Variants in PCDHA3 observed in about 807,000 individuals in gnomAD.
The protein encoded by PCDHA3 is protocadherin alpha 3.
In PCDHA3, 41 loss-of-function variants were observed where a neutral mutation model predicts 62.2. The ratio of observed to expected loss-of-function variants is 0.66; its 90% confidence interval spans 0.51 to 0.86. The LOEUF (loss-of-function observed/expected upper bound fraction) is 0.86, where lower values mean the gene tolerates loss of function less well. Among genes scored for constraint, PCDHA3 ranks in the 40% least tolerant of loss-of-function variants. PCDHA3 has a pLI of 0.00. For synonymous variants in PCDHA3, 640 were observed against 555.4 expected (o/e 1.15, Z -2.14); for missense variants, 1,304 against 1,241.2 (o/e 1.05, Z -0.76).
Position 141,009,714 on chromosome 5 carries a change from A to G in PCDHA3, c.2630A>G (p.Lys877Arg), listed in dbSNP as rs1175529844. 1 of 1,613,966 alleles carries G rather than the reference A, an allele frequency of 6.2e-7. No homozygotes were observed. Among genetic ancestry groups the G allele is most frequent in the Non-Finnish European group, 8.5e-7 (1 of 1,180,012 alleles). Reference protein sequence around the residue: ...WTFKYGPGNPKQSGPGELPDK... With the variant: ...WTFKYGPGNPRQSGPGELPDK... ...TTTAAATACGGACCAGGCAACCCCA[A>G]ACAATCCGGTCCCGGTGAGTTGCCC... The change falls in exon 4 of 4, where the codon AAA becomes AGA. Residue 877 changes from lysine to arginine, a missense_variant. By Grantham distance (26) the Lys-to-Arg change is conservative. Transcript: ENST00000522353.
At chr5:140,805,118 T>C in intron 1 of PCDHA3, 1 of 1,587,346 alleles carries the variant, frequency 6.3e-7, no homozygotes, top group Middle Eastern at 1.7e-4. Context: ...CTAACAAGAC[T>C]CTTGGCAAAG....
At chr5:140,825,754 A>T (rs782058302) in intron 1 of PCDHA3, 1 of 152,530 alleles carries the variant, frequency 6.6e-6, no homozygotes, top group East Asian at 1.9e-4. Context: ...GTAACTGTGA[A>T]TCTCCTCAGT....
intron 1 of PCDHA3, among the ~76,000 whole-genome samples, chr5:140,959,927 C>A (rs1554224406): frequency 6.6e-6 from 1 of 152,038 alleles, no homozygotes; most frequent in African/African-American, 2.4e-5. Flanking sequence ...TTGTAAAGCC[C>A]CATTACTTAG....
At chr5:140,997,099 A>G (rs1554255700) in intron 3 of PCDHA3, among the ~76,000 whole-genome samples, 6 of 152,108 alleles carry the variant, frequency 3.9e-5, no homozygotes. Context: ...CAGAGTTCTC[A>G]TGCACTCCTG....
At chr5:140,997,740 C>T (rs568361121) in intron 3 of PCDHA3, among the ~76,000 whole-genome samples, 3 of 151,924 alleles carry the variant, frequency 2.0e-5, no homozygotes, top group African/African-American at 7.2e-5. Flanking sequence ...ATAGATTTGC[C>T]ACAATCTTCT....
Position 140,938,896 on chromosome 5 carries a change from C to T in PCDHA3, c.2395-40053C>T, listed in dbSNP as rs188490743. 3.9e-5 allele frequency among the ~76,000 whole-genome samples: 6 copies of T among 152,036 alleles called. 1 individual carries two copies. The East Asian group carries it at 1.2e-3, about 29-fold the overall frequency. The stretch of plus-strand genomic sequence containing the variant: ...GAAGCAACACACACACACACAGATG[C>T]GCACACACACACACGCACAAGAAAT... On this transcript the variant is annotated intron_variant, in intron 1 of 3. Transcript: ENST00000522353.
chr5:140,969,276 G>T, intron 1 of PCDHA3: 1 of 1,614,202 alleles, frequency 6.2e-7, no homozygotes, highest in Non-Finnish European at 8.5e-7. Context: ...GGCCAAAGTG[G>T]TCAGAATGCT....
Position 141,010,090 on chromosome 5 carries a change from C to A in PCDHA3, c.*153C>A. On this transcript the variant is annotated 3_prime_UTR_variant, in exon 4 of 4. Transcript: ENST00000522353. ...AAGTTCCCTGTGTCTGTCTAGAACG[C>A]ATTTAACAGGTTTTGTCGTAAAAGC... 1 of 1,612,636 alleles carries A rather than the reference C, an allele frequency of 6.2e-7. No homozygotes were observed. Among genetic ancestry groups the A allele is most frequent in the Non-Finnish European group, 8.5e-7 (1 of 1,179,276 alleles).
intron 1 of PCDHA3, chr5:140,882,750 A>G (rs781948584): frequency 1.9e-5 from 30 of 1,614,128 alleles, no homozygotes; most frequent in Non-Finnish European, 2.4e-5. Context: ...TCCGATGCAG[A>G]TATTGGAGTA....
intron 1 of PCDHA3, among the ~76,000 whole-genome samples, chr5:140,902,546 A>G (rs1456804685): frequency 6.6e-6 from 1 of 152,088 alleles, no homozygotes; most frequent in Non-Finnish European, 1.5e-5. Context: ...TGTTCCTTCT[A>G]TACCCAGATT....
At chr5:140,928,235 C>T (rs1455319165) in intron 1 of PCDHA3, 9 of 1,614,090 alleles carry the variant, frequency 5.6e-6, no homozygotes, top group African/African-American at 1.3e-5. Context: ...TTTCCTCAAC[C>T]CCAGCAGGAA....
intron 1 of PCDHA3, chr5:140,863,472 T>C: frequency 2.0e-6 from 1 of 490,440 alleles, no homozygotes; most frequent in Non-Finnish European, 4.0e-6. Context: ...CTCTGGAGAG[T>C]CGCCTCCCAA....
In PCDHA3 at chr5:140,931,701, A is replaced by G. The variant is rs78657610; in HGVS notation, c.2395-47248A>G. Among the ~76,000 whole-genome samples the G allele has an allele frequency of 8.3e-3, 1,259 of 152,106 alleles. 10 individuals are homozygous for G. Among genetic ancestry groups the G allele is most frequent in the Non-Finnish European group, 0.014 (970 of 67,850 alleles). ...TAAATGAATTGTGATTCATAAAACC[A>G]TGAATAAAATAACTTCTATAAATAT... On this transcript the variant is annotated intron_variant, in intron 1 of 3. Coordinates refer to ENST00000522353, the MANE Select transcript of PCDHA3 (RefSeq NM_018906.3).
intron 1 of PCDHA3, among the ~76,000 whole-genome samples, chr5:140,894,986 A>G (rs1380930076): frequency 6.6e-6 from 1 of 152,194 alleles, no homozygotes; most frequent in Non-Finnish European, 1.5e-5. Flanking sequence ...ACTTTGTGAC[A>G]TCCTTTACCC....
At chr5:140,805,221 AT>A (rs1246875738) in intron 1 of PCDHA3, 61 of 1,397,428 alleles carry the variant, frequency 4.4e-5, no homozygotes, top group Non-Finnish European at 5.4e-5. Context: ...ATTGTTTTCT[AT>A]TCTGCTGCAT....
chr5:140,818,627 A>C (rs1301617246), intron 1 of PCDHA3, among the ~76,000 whole-genome samples: 8 of 152,204 alleles, frequency 5.3e-5, no homozygotes, highest in African/African-American at 1.9e-4. Context: ...GCTTGAGCCC[A>C]GGAGTTCAAG....
chr5:140,982,827 T>G (rs2097010165), intron 3 of PCDHA3, among the ~76,000 whole-genome samples: 1 of 140,992 alleles, frequency 7.1e-6, no homozygotes, highest in Non-Finnish European at 1.6e-5. Flanking sequence ...TTTTTGGGGT[T>G]TGTTTGTTTG....
intron 1 of PCDHA3, among the ~76,000 whole-genome samples, chr5:140,917,183 A>T (rs2077937210): frequency 6.6e-6 from 1 of 152,132 alleles, no homozygotes; most frequent in African/African-American, 2.4e-5. Flanking sequence ...GTGATCCCAG[A>T]GTGTCTCTCC....
chr5:140,809,064 T>C (rs543142225), intron 1 of PCDHA3: 3 of 1,613,792 alleles, frequency 1.9e-6, no homozygotes, highest in South Asian at 2.2e-5. Flanking sequence ...CGCGTGGGGC[T>C]GTACACTGGC....
Sources: allele counts gnomAD v4.1 joint callset (sites outside exome capture counted in the v4.1 genomes callset), GRCh38; gene constraint gnomAD v4.1.1; transcripts MANE v1.5; gene names NCBI Gene and HGNC (gene_info 2026-07-23, HGNC 2026-07-21).